CLK4: variants seen among roughly 807,000 people sequenced by gnomAD.
The protein encoded by CLK4 is dual specificity protein kinase CLK4.
A neutral mutation model predicts 64.4 loss-of-function variants in CLK4; 37 were observed. The observed-to-expected ratio is 0.57, with a 90% CI of 0.44 to 0.76. The LOEUF is 0.76. Ranked by LOEUF, CLK4 falls within the 30% of genes least tolerant of loss-of-function variation. The pLI is 0.00. For missense variants in CLK4, 457 were observed against 605.1 expected (o/e 0.76, Z 2.57); for synonymous variants, 175 against 191.6 (o/e 0.91, Z 0.72).
At chr5:178,622,518 G>C in intron 2 of CLK4, 1 of 699,920 alleles carries the variant, frequency 1.4e-6, no homozygotes, top group African/African-American at 1.9e-5. Flanking sequence ...ATTAATGAAA[G>C]AGTGAAAACT....
chr5:178,626,695 G>T (rs1189309642), intron 1 of CLK4, among the ~76,000 whole-genome samples: 1 of 143,760 alleles, frequency 7.0e-6, no homozygotes, highest in Non-Finnish European at 1.5e-5. Flanking sequence ...GGCAGCAGGG[G>T]ACCGCGAGCC....
In CLK4 at chr5:178,603,862, T is replaced by A. The variant is rs1764421392; in HGVS notation, c.1287A>T (p.Arg429Ser). 6.2e-7 allele frequency: 1 copy of A among 1,610,228 alleles called. No homozygotes were observed. The highest frequency in any genetic ancestry group is 8.5e-7 in the Non-Finnish European group (1 of 1,179,010). The stretch of plus-strand genomic sequence containing the variant: ...CTTTTACCTTCAACGGTTTGCAGCG[T>A]CTCCTAACATATCTACCAGCAGAAC... ...EHSSAGRYVR[R>S]RCKPLKEFML... is the part of the protein sequence containing the mutation. Residue 429 changes from arginine to serine, a missense_variant, in exon 12 of 13, where the codon AGA becomes AGT. By Grantham distance (110) the Arg-to-Ser change is moderately radical (BLOSUM62 -1). Transcript: ENST00000316308.
chr5:178,617,358 A>G lies in CLK4; in HGVS notation c.461T>C (p.Val154Ala). The G allele has an allele frequency of 1.2e-6, 2 of 1,612,724 alleles. No individual in the cohort carries two copies. The highest frequency in any genetic ancestry group is 1.7e-6 in the Non-Finnish European group (2 of 1,178,714). Reference protein sequence around the residue: ...EGHLICQSGDVLRARYEIVDT... With the variant: ...EGHLICQSGDALRARYEIVDT... The stretch of plus-strand genomic sequence containing the variant: ...ATATTCTATACATCTTGCTCTTAGA[A>G]CGTCTCCACTTTGACAGATCAGGTG... The change falls in exon 4 of 13, where the codon GTT becomes GCT. Residue 154 changes from valine to alanine, a missense_variant. Physicochemically the swap from Val to Ala is moderately conservative, Grantham distance 64. Coordinates refer to ENST00000316308, the MANE Select transcript of CLK4 (RefSeq NM_020666.3). The surrounding 1 kb of genome is among the most constrained non-coding windows in gnomAD (Gnocchi z 5.2).
chr5:178,626,471 G>T (rs952317186), intron 1 of CLK4, among the ~76,000 whole-genome samples: 40 of 152,226 alleles, frequency 2.6e-4, no homozygotes, highest in Non-Finnish European at 4.4e-5. Flanking sequence ...TGGGCACCCG[G>T]CCAGTGCCTT....
rs764049501 is a variant in CLK4, at chr5:178,613,750, A to G, written c.636T>C (p.Asn212=). The G allele has an allele frequency of 1.4e-5, 23 of 1,613,922 alleles. 1 individual carries two copies. In the East Asian group the frequency reaches 4.7e-4, roughly 33 times the overall value. The change falls in exon 6 of 13, where the codon AAT becomes AAC. Residue 212 remains asparagine (N), a synonymous_variant. Coordinates refer to ENST00000316308, the MANE Select transcript of CLK4 (RefSeq NM_020666.3). ...ACAAGACACTATTGGGATCAGTACT[A>G]TTTAAGTGCTCTAATACTTGGATTT... ...RSEIQVLEHL[N]STDPNSVFRC...
At chr5:178,626,559 C>T (rs57862544) in intron 1 of CLK4, among the ~76,000 whole-genome samples, 40,158 of 152,222 alleles carry the variant, frequency 0.26, 6,318 homozygotes, top group South Asian at 0.33. Flanking sequence ...GCCAGGAATC[C>T]AGGGGAAGAC....
At chr5:178,609,703 TAAC>T (rs1436674993) in intron 9 of CLK4, among the ~76,000 whole-genome samples, 3 of 121,562 alleles carry the variant, frequency 2.5e-5, no homozygotes, top group African/African-American at 9.1e-5. Flanking sequence ...AATAAACAAA[TAAC>T]AAAAATAAAA....
chr5:178,608,779 C>G (rs1443595687), intron 9 of CLK4, among the ~76,000 whole-genome samples: 1 of 152,150 alleles, frequency 6.6e-6, no homozygotes, highest in Non-Finnish European at 1.5e-5. Flanking sequence ...TGGGAGAGCA[C>G]TGCTGTTAAA....
rs929417830 is a variant in CLK4, at chr5:178,602,876, G to C, written c.*741C>G. On this transcript the variant is annotated 3_prime_UTR_variant, in exon 13 of 13. Coordinates refer to ENST00000316308, the MANE Select transcript of CLK4 (RefSeq NM_020666.3). Reference sequence around the variant, plus strand: ...CCAATGTTAAGACTCCTAAGGACTTGGTATTAAAAACTGAAACCTCTCATC... The same window carrying C: ...CCAATGTTAAGACTCCTAAGGACTTCGTATTAAAAACTGAAACCTCTCATC... The C allele has an allele frequency of 6.6e-6, 1 of 152,068 alleles. No individual in the cohort carries two copies. Among genetic ancestry groups the C allele is most frequent in the Non-Finnish European group, 1.5e-5 (1 of 68,016 alleles). The allele number at this position is 152,068 out of a possible 1,614,324, so 9.4% of individuals were successfully genotyped here. A position where few individuals can be genotyped will look rare whatever the true frequency, so the allele number is the denominator to read the frequency against.
At chr5:178,620,838 G>A (rs1185664179) in intron 2 of CLK4, among the ~76,000 whole-genome samples, 1 of 152,186 alleles carries the variant, frequency 6.6e-6, no homozygotes, top group Non-Finnish European at 1.5e-5. Flanking sequence ...GAAAAAATCT[G>A]TTTAAAATGG....
Position 178,623,270 on chromosome 5 carries a change from A to C in CLK4, c.147T>G (p.Phe49Leu). The C allele has an allele frequency of 1.9e-6, 3 of 1,613,614 alleles. No individual in the cohort carries two copies. The highest frequency in any genetic ancestry group is 2.5e-6 in the Non-Finnish European group (3 of 1,179,758). The change falls in exon 2 of 13, where the codon TTT becomes TTG. Residue 49 changes from phenylalanine to leucine, a missense_variant. Phe to Leu is a conservative substitution (Grantham distance 22). Coordinates refer to ENST00000316308, the MANE Select transcript of CLK4 (RefSeq NM_020666.3). ...ENRHCKPHHQFKESDCHYLEA... is the reference protein window; with the variant it reads ...ENRHCKPHHQLKESDCHYLEA... ...AGTTAATTTACCAATCAGATTCTTT[A>C]AACTGGTGATGTGGTTTACAATGCC...
At position 178,624,706 on chromosome 5, in the gene CLK4, G is replaced by A. The variant is rs115784471; in HGVS notation, c.1-1290C>T. On this transcript the variant is annotated intron_variant, in intron 1 of 12. Transcript: ENST00000316308. ...GAATTTCACAATTCAGCAAGGAGCT[G>A]AAAAAAGCTAAAATGGAGTAAAACC... Among the ~76,000 whole-genome samples, 796 of 152,292 alleles carry A rather than the reference G, an allele frequency of 5.2e-3. 5 individuals are homozygous for A. Among genetic ancestry groups the A allele is most frequent in the African/African-American group, 0.014 (585 of 41,570 alleles).
intron 1 of CLK4, among the ~76,000 whole-genome samples, chr5:178,624,043 TA>T (rs1764746840): frequency 6.6e-6 from 1 of 152,236 alleles, no homozygotes; most frequent in Non-Finnish European, 1.5e-5. Context: ...GTTTTAATGG[TA>T]AAGAGCTATT....
Position 178,617,452 on chromosome 5 carries a change from C to A in CLK4, c.385-18G>T. ...TGGCTCTTCTGGAACGGCAAGTGGG[C>A]AGCACCAAGATCGTCCAGCCAATCA... is the stretch of plus-strand genomic sequence containing the variant. On this transcript the variant is annotated intron_variant, in intron 3 of 12. Transcript: ENST00000316308. This position sits in a 1 kb window ranked among gnomAD's most constrained non-coding sequence, Gnocchi z 5.2. 1 of 1,594,094 alleles carries A rather than the reference C, an allele frequency of 6.3e-7. No individual in the cohort carries two copies. The highest frequency in any genetic ancestry group is 8.6e-7 in the Non-Finnish European group (1 of 1,162,268).
Position 178,612,498 on chromosome 5 carries a change from G to A in CLK4, c.969C>T (p.Asp323=), listed in dbSNP as rs376850330. The A allele has an allele frequency of 1.3e-4, 206 of 1,614,020 alleles. 3 individuals carry two copies. The South Asian group carries it at 1.5e-3, about 12-fold the overall frequency. ...TLKNTDIKVV[D]FGSATYDDEH... ...CATCATCATACGTTGCACTTCCAAAGTCAACAACTTTGATATCTGTGTTTT... is the reference window on the plus strand; with the variant it reads ...CATCATCATACGTTGCACTTCCAAAATCAACAACTTTGATATCTGTGTTTT... The change falls in exon 9 of 13, where the codon GAC becomes GAT. Residue 323 remains aspartate, a synonymous_variant. Coordinates refer to ENST00000316308, the MANE Select transcript of CLK4 (RefSeq NM_020666.3).
intron 2 of CLK4, chr5:178,619,879 A>G (rs1764682512): frequency 1.0e-6 from 1 of 970,608 alleles, no homozygotes; most frequent in African/African-American, 1.7e-5. Context: ...AAGCTTCAAG[A>G]GGGATGCACA....
chr5:178,626,421 CTGG>C (rs1764780517), intron 1 of CLK4, among the ~76,000 whole-genome samples: 1 of 152,240 alleles, frequency 6.6e-6, no homozygotes, highest in Non-Finnish European at 1.5e-5. Flanking sequence ...CCTCAACCAC[CTGG>C]ATTTGCACGG....
In CLK4 at chr5:178,612,063, C is replaced by T. The variant is rs546137261; in HGVS notation, c.1051+353G>A. ...TTCTAGACATCTGCCAACCAGTTTC[C>T]TCAGTATTTTTACCAGCCATGTGCT... On this transcript the variant is annotated intron_variant, in intron 9 of 12. Transcript: ENST00000316308. Among the ~76,000 whole-genome samples, 13 of 152,280 alleles carry T rather than the reference C, an allele frequency of 8.5e-5. 1 individual carries two copies. The South Asian group carries it at 2.7e-3, about 32-fold the overall frequency.
chr5:178,626,469 C>G (rs1305963830), intron 1 of CLK4, among the ~76,000 whole-genome samples: 1 of 152,234 alleles, frequency 6.6e-6, no homozygotes, highest in African/African-American at 2.4e-5. Flanking sequence ...CCTGGGCACC[C>G]GGCCAGTGCC....
Sources: allele counts gnomAD v4.1 joint callset (sites outside exome capture counted in the v4.1 genomes callset), GRCh38; gene constraint gnomAD v4.1.1; non-coding constraint Gnocchi (gnomAD v3.1); transcripts MANE v1.5; gene names NCBI Gene and HGNC (gene_info 2026-07-23, HGNC 2026-07-21).